PTCH1: variants seen among roughly 807,000 people sequenced by gnomAD.
PTCH1 encodes the protein protein patched homolog 1.
Under a neutral mutation model 144.6 loss-of-function variants are expected in PTCH1, and 14 were observed. The observed-to-expected ratio is 0.10, with a 90% CI of 0.06 to 0.15. The LOEUF (loss-of-function observed/expected upper bound fraction) is 0.15. Ranked by LOEUF, PTCH1 falls within the 10% of genes least tolerant of loss-of-function variation. PTCH1 has a pLI of 1.00. For missense variants in PTCH1, 1,623 were observed against 1,948.3 expected (o/e 0.83, Z 3.14); for synonymous variants, 833 against 793.6 (o/e 1.05, Z -0.83).
intron 23 of PTCH1, 38 bp downstream of exon 23, chr9:95,446,873 C>T (rs765912668): frequency 6.2e-6 from 10 of 1,612,646 alleles, no homozygotes; most frequent in Middle Eastern, 2.0e-4. Flanking sequence ...CTTTGCCTGG[C>T]TCTAGGTCCC....
At chr9:95,506,761 A>G (rs1241327627) in intron 1 of PTCH1, 162 bp from the exon 2 acceptor site, 6 of 1,061,162 alleles carry the variant, frequency 5.7e-6, no homozygotes, top group Non-Finnish European at 7.3e-6. Flanking sequence ...GGCGGATCTG[A>G]GCGTCATGGG....
chr9:95,516,428 G>C, intron 1 of PTCH1: 6 of 1,373,246 alleles, frequency 4.4e-6, no homozygotes, highest in Non-Finnish European at 3.7e-6. Context: ...CGGCGCGCGA[G>C]GCGAGGTGGC....
At chr9:95,480,792 C>G (rs574094230) in intron 5 of PTCH1, among the ~76,000 whole-genome samples, 2 of 152,110 alleles carry the variant, frequency 1.3e-5, no homozygotes, top group Non-Finnish European at 2.9e-5. Flanking sequence ...ACTGAAGATG[C>G]TAAGCAGAGA....
rs1027523327 is a variant in PTCH1, at chr9:95,449,055, G to A, written c.3804+14C>T. 6.2e-7 allele frequency: 1 copy of A among 1,613,976 alleles called. No homozygotes were observed. On this transcript the variant is annotated intron_variant, in intron 22 of 23. Coordinates refer to ENST00000331920, the MANE Select transcript of PTCH1 (RefSeq NM_000264.5). The surrounding 1 kb of genome is among the most constrained non-coding windows in gnomAD (Gnocchi z 5.3). ...TGGGAAGACCCCTCCCCCTGGTTCT[G>A]CAGAGTCACTTACAGTGGAGTGGGC...
upstream of PTCH1, among the ~76,000 whole-genome samples, chr9:95,511,669 C>G (rs1324809305): frequency 6.6e-6 from 1 of 152,212 alleles, no homozygotes; most frequent in East Asian, 1.9e-4. Context: ...GACGGCTCCA[C>G]ACATTGCCAG....
chr9:95,454,867 T>C (rs778461171), intron 19 of PTCH1, among the ~76,000 whole-genome samples: 4 of 152,264 alleles, frequency 2.6e-5, no homozygotes, highest in Admixed American at 2.0e-4. Flanking sequence ...CTAGAAGTCC[T>C]AGAGTTTAGA....
At chr9:95,511,644 T>G (rs1261876200), upstream of PTCH1, among the ~76,000 whole-genome samples, 1 of 152,132 alleles carries the variant, frequency 6.6e-6, no homozygotes, top group Non-Finnish European at 1.5e-5. Context: ...TGACACTGAG[T>G]TGATAAAGAG....
chr9:95,477,001 G>C, intron 10 of PTCH1, 144 bp from the exon 11 acceptor site: 1 of 792,944 alleles, frequency 1.3e-6, no homozygotes, highest in South Asian at 1.5e-5. Flanking sequence ...TTCACTTGAC[G>C]TCCCAAAGCC....
At chr9:95,498,989 A>G (rs1229917705) in intron 2 of PTCH1, among the ~76,000 whole-genome samples, 1 of 152,144 alleles carries the variant, frequency 6.6e-6, no homozygotes, top group Admixed American at 6.5e-5. Flanking sequence ...TGGGAGTTCT[A>G]AGCAAGGAAG....
In PTCH1 at chr9:95,446,933, G is replaced by C; in HGVS notation, c.4323C>G (p.Pro1441=). The C allele has an allele frequency of 6.2e-7, 1 of 1,614,058 alleles. No homozygotes were observed. The highest frequency in any genetic ancestry group is 8.5e-7 in the Non-Finnish European group (1 of 1,180,026). Reference sequence around the variant, plus strand: ...CACCTCAGTTGGAGCTGCTTCCCCGGGGCCTCTCCTCGCATTCCACGTCCT... The same window carrying C: ...CACCTCAGTTGGAGCTGCTTCCCCGCGGCCTCTCCTCGCATTCCACGTCCT... ...ELQDVECEER[P]RGSSSN The change falls in exon 23 of 24, where the codon CCC becomes CCG. Residue 1441 remains proline, a synonymous_variant. Coordinates refer to ENST00000331920, the MANE Select transcript of PTCH1 (RefSeq NM_000264.5).
chr9:95,502,309 C>T (rs904397472), intron 2 of PTCH1, among the ~76,000 whole-genome samples: 2 of 152,214 alleles, frequency 1.3e-5, no homozygotes, highest in Admixed American at 1.3e-4. Flanking sequence ...CGTGTACCTG[C>T]TGAATGTTTG....
At chr9:95,507,093 C>T in intron 1 of PTCH1, 1 of 985,918 alleles carries the variant, frequency 1.0e-6, no homozygotes, top group Non-Finnish European at 1.2e-6. Context: ...CCAACTGGAC[C>T]CCCGCCGAGA....
At position 95,508,254 on chromosome 9, in the gene PTCH1, C is replaced by A. The variant is rs1363824163; in HGVS notation, c.108G>T (p.Thr36=). 1.3e-6 allele frequency: 2 copies of A among 1,598,680 alleles called. No individual in the cohort carries two copies. The highest frequency in any genetic ancestry group is 1.1e-5 in the South Asian group (1 of 89,910). Residue 36 remains threonine (T), a synonymous_variant, in exon 1 of 24, where the codon ACG becomes ACT. Transcript: ENST00000331920. The stretch of plus-strand genomic sequence containing the variant: ...GCGCGGCAGCACGGCGCAGCCCCCC[C>A]GTCCGTCTGCGCCTCCCGCCTCCAG... ...RPAGGGRRRR[T]GGLRRAAAPD... is the part of the protein sequence containing the mutation.
chr9:95,482,391 G>A (rs1190122262), intron 3 of PTCH1, 188 bp from the exon 4 acceptor site: 3 of 615,728 alleles, frequency 4.9e-6, no homozygotes, highest in South Asian at 2.0e-5. Context: ...ATACTCAATC[G>A]TAATTAACAT....
rs762040036 is a variant in PTCH1, at chr9:95,449,298, C to A, written c.3575G>T (p.Arg1192Leu). The A allele has an allele frequency of 2.6e-6, 4 of 1,554,294 alleles. No homozygotes were observed. Among genetic ancestry groups the A allele is most frequent in the Non-Finnish European group, 2.6e-6 (3 of 1,149,986 alleles). The change falls in exon 22 of 24, where the codon CGC becomes CTC. Residue 1192 changes from arginine to leucine, a missense_variant. Physicochemically the swap from Arg to Leu is moderately radical, Grantham distance 102. Transcript: ENST00000331920. The surrounding 1 kb of genome is among the most constrained non-coding windows in gnomAD (Gnocchi z 5.3). The stretch of plus-strand genomic sequence containing the variant: ...TGGCTCAGGGGAGGGTGTGGGCAGG[C>A]GGTTCAAGCCGTTGGCTGGAGACAC... Reference protein sequence around the residue: ...PEVSPANGLNRLPTPSPEPPP... With the variant: ...PEVSPANGLNLLPTPSPEPPP...
chr9:95,449,750 G>A lies in PTCH1; in HGVS notation c.3549+91C>T. 1 of 1,173,684 alleles carries A rather than the reference G, an allele frequency of 8.5e-7. No individual in the cohort carries two copies. 72.7% of individuals were successfully genotyped at this position (1,173,684 alleles called of 1,614,324 possible). A position where few individuals can be genotyped will look rare whatever the true frequency, so the allele number is the denominator to read the frequency against. On this transcript the variant is annotated intron_variant, in intron 21 of 23. Transcript: ENST00000331920. This position sits in a 1 kb window ranked among gnomAD's most constrained non-coding sequence, Gnocchi z 5.3. ...TTTACTGAAGAACCACCAGCAAGTGGGGAGGCACCTAAGTATCGAAGTGAA... is the reference window on the plus strand; with the variant it reads ...TTTACTGAAGAACCACCAGCAAGTGAGGAGGCACCTAAGTATCGAAGTGAA...
In PTCH1 at chr9:95,449,597, C is replaced by A; in HGVS notation, c.3549+244G>T. The A allele has an allele frequency of 1.6e-6, 1 of 637,682 alleles. No individual in the cohort carries two copies. The highest frequency in any genetic ancestry group is 2.7e-6 in the Non-Finnish European group (1 of 367,852). The allele number at this position is 637,682 out of a possible 1,614,324, so 39.5% of individuals were successfully genotyped here. A position where few individuals can be genotyped will look rare whatever the true frequency, so the allele number is the denominator to read the frequency against. ...TTATGCATCTCAAGGGGAAAGTCTTCATTTACTGTATAAAGATCTGTAAGA... is the reference window on the plus strand; with the variant it reads ...TTATGCATCTCAAGGGGAAAGTCTTAATTTACTGTATAAAGATCTGTAAGA... On this transcript the variant is annotated intron_variant, in intron 21 of 23. Coordinates refer to ENST00000331920, the MANE Select transcript of PTCH1 (RefSeq NM_000264.5). The surrounding 1 kb of genome is among the most constrained non-coding windows in gnomAD (Gnocchi z 5.3).
rs774622562 is a variant in PTCH1, at chr9:95,516,476, G to A, written c.-5C>T. On this transcript the variant is annotated 5_prime_UTR_variant, in exon 1 of 23. Transcript: ENST00000430669. Reference sequence around the variant, plus strand: ...CGCGCTGGCTGCACTCACCATAGCCGGCCGTCAACCCCTGCTCGGAGCGCG... The same window carrying A: ...CGCGCTGGCTGCACTCACCATAGCCAGCCGTCAACCCCTGCTCGGAGCGCG... 8 of 1,524,124 alleles carry A rather than the reference G, an allele frequency of 5.2e-6. No homozygotes were observed. In the South Asian group the frequency reaches 9.9e-5, roughly 19 times the overall value. The allele number at this position is 1,524,124 out of a possible 1,614,324, so 94.4% of individuals were successfully genotyped here. A position where few individuals can be genotyped will look rare whatever the true frequency, so the allele number is the denominator to read the frequency against.
rs964800201 is a variant in PTCH1, at chr9:95,449,002, C to G, written c.3804+67G>C. On this transcript the variant is annotated intron_variant, in intron 22 of 23. Coordinates refer to ENST00000331920, the MANE Select transcript of PTCH1 (RefSeq NM_000264.5). The surrounding 1 kb of genome is among the most constrained non-coding windows in gnomAD (Gnocchi z 5.3). ...GTGCTGCTCAGCAGACAGGAGCCCCCGCTGGACCTCCAGGCCCACTACCAC... is the reference window on the plus strand; with the variant it reads ...GTGCTGCTCAGCAGACAGGAGCCCCGGCTGGACCTCCAGGCCCACTACCAC... 1 of 1,603,210 alleles carries G rather than the reference C, an allele frequency of 6.2e-7. No individual in the cohort carries two copies. The highest frequency in any genetic ancestry group is 8.5e-7 in the Non-Finnish European group (1 of 1,171,932).
Sources: gnomAD v4.1 joint callset for allele counts (sites outside exome capture counted in the v4.1 genomes callset) on GRCh38, gnomAD v4.1.1 for gene constraint, Gnocchi (gnomAD v3.1) non-coding constraint, MANE v1.5 for transcripts, NCBI Gene and HGNC (gene_info 2026-07-23, HGNC 2026-07-21) for gene names.